The following PIBF1 variants were observed in gnomAD, a reference collection of about 807,000 sequenced individuals.
PIBF1 encodes the protein progesterone-induced-blocking factor 1.
In PIBF1, 90 loss-of-function variants were observed where a neutral mutation model predicts 112.5. That is an observed-to-expected ratio of 0.80 (90% confidence interval 0.67 to 0.95). PIBF1 has a LOEUF of 0.95. Ranked by LOEUF, PIBF1 falls within the 40% of genes least tolerant of loss-of-function variation. The probability of loss-of-function intolerance (pLI) is 0.00; values close to 1 mark genes in which losing one functional copy is unlikely to be tolerated. For synonymous variants in PIBF1, 301 were observed against 288.6 expected (o/e 1.04, Z -0.44); for missense variants, 915 against 852.3 (o/e 1.07, Z -0.92).
At chr13:72,828,101 G>A (rs2036908611) in intron 8 of PIBF1, among the ~76,000 whole-genome samples, 187 bp downstream of exon 8, 1 of 150,204 alleles carries the variant, frequency 6.7e-6, no homozygotes, top group African/African-American at 2.4e-5. Flanking sequence ...CTTTCTGTTT[G>A]CATACATTTA....
At chr13:72,935,206 G>A (rs1351366117) in intron 14 of PIBF1, among the ~76,000 whole-genome samples, 1 of 152,184 alleles carries the variant, frequency 6.6e-6, no homozygotes, top group African/African-American at 2.4e-5. Flanking sequence ...GGCTGGTCTC[G>A]AACTCCTGAC....
At chr13:72,965,049 G>A (rs183476217) in intron 14 of PIBF1, among the ~76,000 whole-genome samples, 16 of 152,022 alleles carry the variant, frequency 1.1e-4, no homozygotes, top group African/African-American at 2.9e-4. Context: ...GCGACAGAGC[G>A]AGACTGTCTC....
At chr13:72,967,308 G>GA (rs1008923865) in intron 15 of PIBF1, among the ~76,000 whole-genome samples, 3 of 151,832 alleles carry the variant, frequency 2.0e-5, no homozygotes, top group Non-Finnish European at 2.9e-5. Context: ...AAATCCTGAG[G>GA]AAAAAAATTA....
intron 9 of PIBF1, among the ~76,000 whole-genome samples, chr13:72,850,849 T>C (rs2038114125): frequency 6.6e-6 from 1 of 152,196 alleles, no homozygotes; most frequent in Admixed American, 6.5e-5. Context: ...CAGGATGACA[T>C]CTGAAAATAA....
chr13:73,004,295 A>G (rs1053416250), intron 17 of PIBF1, among the ~76,000 whole-genome samples: 5 of 152,096 alleles, frequency 3.3e-5, no homozygotes, highest in Admixed American at 6.6e-5. Flanking sequence ...GTTTGAGACC[A>G]TCCTGGCCAA....
intron 2 of PIBF1, 75 bp downstream of exon 2, chr13:72,783,796 A>G (rs987918962): frequency 1.6e-6 from 2 of 1,243,870 alleles, no homozygotes; most frequent in Non-Finnish European, 2.3e-6. Flanking sequence ...AATTAAATAC[A>G]CACATTATCT....
intron 6 of PIBF1, among the ~76,000 whole-genome samples, chr13:72,824,395 T>G (rs2036706738): frequency 6.6e-6 from 1 of 152,114 alleles, no homozygotes; most frequent in African/African-American, 2.4e-5. Context: ...TATAGCAAAC[T>G]TGAATATCAC....
In PIBF1 at chr13:72,917,672, C is replaced by G. The variant is rs569679388; in HGVS notation, c.1730+506C>G. 7.2e-5 allele frequency among the ~76,000 whole-genome samples: 11 copies of G among 152,220 alleles called. No homozygotes were observed. In the South Asian group the frequency reaches 2.3e-3, roughly 32 times the overall value. ...ATAATGTTTAAAAGTACAGTCAGCC[C>G]TCTATATCCATGGGTTTCACATGTG... On this transcript the variant is annotated intron_variant, in intron 13 of 17. Coordinates refer to ENST00000326291, the MANE Select transcript of PIBF1 (RefSeq NM_006346.4).
chr13:72,916,485 T>G (rs1459577009), intron 12 of PIBF1, among the ~76,000 whole-genome samples: 1 of 151,664 alleles, frequency 6.6e-6, no homozygotes, highest in Non-Finnish European at 1.5e-5. Flanking sequence ...TGTTAACCTG[T>G]TAGTTAAAAT....
intron 9 of PIBF1, chr13:72,836,251 G>C (rs1038859408): frequency 6.3e-6 from 2 of 319,406 alleles, no homozygotes; most frequent in Non-Finnish European, 1.3e-5. Flanking sequence ...CGTTATTATA[G>C]TCAGTGTGGT....
At chr13:72,790,562 G>C (rs1345187442) in intron 2 of PIBF1, among the ~76,000 whole-genome samples, 1 of 132,806 alleles carries the variant, frequency 7.5e-6, no homozygotes, top group Admixed American at 7.6e-5. Flanking sequence ...TAGATAGATA[G>C]ATAAATCAGC....
chr13:72,822,033 C>G, intron 6 of PIBF1, 51 bp downstream of exon 6: 1 of 1,493,928 alleles, frequency 6.7e-7, no homozygotes, highest in Non-Finnish European at 9.0e-7. Context: ...TAGGGTGCAT[C>G]AAAGTCACCT....
chr13:72,817,345 CTAT>C (rs777282646), intron 5 of PIBF1, among the ~76,000 whole-genome samples: 8 of 152,104 alleles, frequency 5.3e-5, no homozygotes, highest in Non-Finnish European at 1.0e-4. Context: ...TGAGGCTTGG[CTAT>C]TATTATCCCA....
At chr13:72,977,465 C>T (rs2043052584) in intron 16 of PIBF1, among the ~76,000 whole-genome samples, 1 of 152,198 alleles carries the variant, frequency 6.6e-6, no homozygotes, top group Admixed American at 6.5e-5. Flanking sequence ...GCCTCAGCCT[C>T]CCAAAGTGCT....
At chr13:72,905,066 C>CTT (rs200453982) in intron 11 of PIBF1, among the ~76,000 whole-genome samples, 2 of 104,838 alleles carry the variant, frequency 1.9e-5, no homozygotes, top group Admixed American at 1.1e-4. Flanking sequence ...AAATCCCATA[C>CTT]TTTTTTTTTT....
intron 4 of PIBF1, among the ~76,000 whole-genome samples, chr13:72,795,926 T>G (rs1370465262): frequency 6.6e-6 from 1 of 152,104 alleles, no homozygotes; most frequent in Non-Finnish European, 1.5e-5. Flanking sequence ...AAGAACTTTG[T>G]GGTGAGAGAT....
At chr13:72,995,344 AG>A (rs2043615522) in intron 16 of PIBF1, among the ~76,000 whole-genome samples, 1 of 152,028 alleles carries the variant, frequency 6.6e-6, no homozygotes, top group Admixed American at 6.6e-5. Flanking sequence ...TTTTCCCTTC[AG>A]CATGATCCCA....
rs201480894 is a variant in PIBF1 at position 72,786,463 on chromosome 13, CTTTG to C, written c.252+2746_252+2749del. ...ACTTTACAGAAATGTAAATTATATG[CTTTG>C]TTTTAGTTCTCATCTCTTTTTTCCT... On this transcript the variant is annotated intron_variant, in intron 2 of 17. Transcript: ENST00000326291. Among the ~76,000 whole-genome samples the C allele has an allele frequency of 6.9e-3, 1,054 of 152,178 alleles. 15 individuals are homozygous for C. Among genetic ancestry groups the C allele is most frequent in the African/African-American group, 0.025 (1,017 of 41,484 alleles).
intron 11 of PIBF1, chr13:72,901,194 A>G (rs1216913375): frequency 7.1e-6 from 2 of 282,952 alleles, no homozygotes; most frequent in African/African-American, 2.3e-5. Context: ...TCCGGAATCT[A>G]CAGTGAACTC....
Sources: allele counts gnomAD v4.1 joint callset (sites outside exome capture counted in the v4.1 genomes callset), GRCh38; gene constraint gnomAD v4.1.1; transcripts MANE v1.5; gene names NCBI Gene and HGNC (gene_info 2026-07-23, HGNC 2026-07-21).